VPS13B: variants seen among roughly 807,000 people sequenced by gnomAD.
VPS13B encodes the protein vacuolar protein sorting 13 homolog B.
A neutral mutation model predicts 426.4 loss-of-function variants in VPS13B; 285 were observed. That is an observed-to-expected ratio of 0.67 (90% CI 0.61 to 0.74). VPS13B has a LOEUF of 0.74. VPS13B is among the 30% of genes least tolerant of loss of function. The pLI is 0.00. For missense variants in VPS13B, 4,537 were observed against 4,782.6 expected (o/e 0.95, Z 1.51); for synonymous variants, 1,676 against 1,676.4 (o/e 1.00, Z 0.01).
chr8:99,669,295 CAT>C (rs1248970502), intron 35 of VPS13B, among the ~76,000 whole-genome samples: 4 of 151,734 alleles, frequency 2.6e-5, no homozygotes, highest in African/African-American at 9.7e-5. Flanking sequence ...AGAGCTGACA[CAT>C]GAGAAGAAGA....
At chr8:99,315,917 T>C (rs946769792) in intron 19 of VPS13B, among the ~76,000 whole-genome samples, 14 of 152,266 alleles carry the variant, frequency 9.2e-5, no homozygotes, top group Non-Finnish European at 1.8e-4. Flanking sequence ...ATCTGCCCAT[T>C]GGTAGAACTT....
chr8:99,696,714 C>A, intron 35 of VPS13B: 1 of 900,768 alleles, frequency 1.1e-6, no homozygotes, highest in Non-Finnish European at 1.9e-6. Flanking sequence ...CACCAGACTT[C>A]TCCGTTTTCC....
intron 3 of VPS13B, among the ~76,000 whole-genome samples, chr8:99,089,935 A>G (rs1204372083): frequency 1.3e-5 from 2 of 152,128 alleles, no homozygotes; most frequent in African/African-American, 4.8e-5. Flanking sequence ...GAGTCAGGGT[A>G]GAATTTGGTG....
In VPS13B at chr8:99,033,888, T is replaced by TC. The variant is rs566172556; in HGVS notation, c.148-4533dup. ...TCCAGCCTGGGTGACAGGGTGAGAC[T>TC]CCATCTCAAAAAAAAAAATTATTTG... On this transcript the variant is annotated intron_variant, in intron 2 of 61. Transcript: ENST00000357162. Among the ~76,000 whole-genome samples, 4 of 152,140 alleles carry TC rather than the reference T, an allele frequency of 2.6e-5. No homozygotes were observed. The South Asian group carries it at 8.3e-4, about 32-fold the overall frequency.
intron 37 of VPS13B, among the ~76,000 whole-genome samples, chr8:99,720,120 G>C (rs776157867): frequency 2.6e-5 from 4 of 151,666 alleles, no homozygotes; most frequent in Non-Finnish European, 5.9e-5. Flanking sequence ...AAAATTTATT[G>C]TTATTCACAC....
In VPS13B at chr8:99,617,388, G is replaced by T. The variant is rs1013919240; in HGVS notation, c.5221-24423G>T. 2.0e-5 allele frequency among the ~76,000 whole-genome samples: 3 copies of T among 152,254 alleles called. No individual in the cohort carries two copies. In the South Asian group the frequency reaches 6.2e-4, roughly 32 times the overall value. On this transcript the variant is annotated intron_variant, in intron 33 of 61. Coordinates refer to ENST00000357162, the MANE Select transcript of VPS13B (RefSeq NM_152564.5). ...CTGTCGCCCAGGCTACAGTGCAGTGGTTCCATCTTGGCTCACTGCAACCTC... is the reference window on the plus strand; with the variant it reads ...CTGTCGCCCAGGCTACAGTGCAGTGTTTCCATCTTGGCTCACTGCAACCTC...
chr8:99,442,290 A>G (rs1344820807), intron 22 of VPS13B, 111 bp from the exon 23 acceptor site: 4 of 886,030 alleles, frequency 4.5e-6, no homozygotes, highest in Non-Finnish European at 7.3e-6. Context: ...TCATAAAGAC[A>G]TAAATATGGA....
intron 3 of VPS13B, among the ~76,000 whole-genome samples, chr8:99,069,271 A>G (rs1844724429): frequency 6.6e-6 from 1 of 152,092 alleles, no homozygotes; most frequent in Non-Finnish European, 1.5e-5. Context: ...CATCTCTACA[A>G]AACAGTACAA....
At chr8:99,089,161 C>T (rs1009267030) in intron 3 of VPS13B, among the ~76,000 whole-genome samples, 9 of 152,092 alleles carry the variant, frequency 5.9e-5, no homozygotes, top group Non-Finnish European at 1.2e-4. Context: ...TTTATGCCTT[C>T]GTTTCTTCAT....
At chr8:99,586,272 T>A (rs533825974) in intron 33 of VPS13B, among the ~76,000 whole-genome samples, 1 of 152,304 alleles carries the variant, frequency 6.6e-6, no homozygotes, top group East Asian at 1.9e-4. Context: ...TAAATCCACA[T>A]GATTTTTCTG....
intron 39 of VPS13B, among the ~76,000 whole-genome samples, chr8:99,731,497 A>T (rs1419447384): frequency 1.3e-5 from 2 of 152,122 alleles, no homozygotes; most frequent in Non-Finnish European, 2.9e-5. Flanking sequence ...CTACATTTAG[A>T]GTGTGGGGTT....
chr8:99,435,435 A>G (rs541648251), intron 22 of VPS13B, among the ~76,000 whole-genome samples: 3 of 152,082 alleles, frequency 2.0e-5, no homozygotes, highest in Non-Finnish European at 2.9e-5. Flanking sequence ...TTATTTGACA[A>G]CTCTGGGAAA....
At chr8:99,185,169 A>G (rs1269043763) in intron 16 of VPS13B, among the ~76,000 whole-genome samples, 1 of 152,230 alleles carries the variant, frequency 6.6e-6, no homozygotes, top group African/African-American at 2.4e-5. Context: ...ACTCATATCA[A>G]GTAGGCTGTA....
chr8:99,458,263 C>T (rs1414608954), intron 23 of VPS13B, among the ~76,000 whole-genome samples: 1 of 152,064 alleles, frequency 6.6e-6, no homozygotes, highest in East Asian at 1.9e-4. Flanking sequence ...TTTTTTATGG[C>T]TGCATAGTAT....
At chr8:99,757,796 G>T (rs1810714988) in intron 39 of VPS13B, among the ~76,000 whole-genome samples, 1 of 152,178 alleles carries the variant, frequency 6.6e-6, no homozygotes, top group Non-Finnish European at 1.5e-5. Context: ...GACTACATAT[G>T]CTTAGAGTAC....
intron 3 of VPS13B, chr8:99,094,039 ATGTT>A (rs1330292977): frequency 6.6e-6 from 1 of 152,214 alleles, no homozygotes; most frequent in Non-Finnish European, 1.5e-5. Context: ...TTGCTTTAAA[ATGTT>A]TGTCATCTCA....
At chr8:99,631,247 G>T (rs962437026) in intron 33 of VPS13B, among the ~76,000 whole-genome samples, 1 of 151,962 alleles carries the variant, frequency 6.6e-6, no homozygotes, top group Non-Finnish European at 1.5e-5. Context: ...TGGTTTTTCT[G>T]GGAATCATGG....
At position 99,820,142 on chromosome 8, in the gene VPS13B, T is replaced by TA; in HGVS notation, c.8994+22dup. On this transcript the variant is annotated intron_variant, in intron 49 of 61. Transcript: ENST00000357162. Reference sequence around the variant, plus strand: ...TTTCAGGTACTATAACTTTTTTAACTAATACGAATTCTTATCTCTCAACAA... The same window carrying TA: ...TTTCAGGTACTATAACTTTTTTAACTAAATACGAATTCTTATCTCTCAACAA... 1.2e-6 allele frequency: 2 copies of TA among 1,602,494 alleles called. No homozygotes were observed. The highest frequency in any genetic ancestry group is 1.7e-6 in the Non-Finnish European group (2 of 1,170,198).
At chr8:99,522,552 T>A (rs1029858613) in intron 30 of VPS13B, among the ~76,000 whole-genome samples, 8 of 152,198 alleles carry the variant, frequency 5.3e-5, no homozygotes, top group African/African-American at 1.9e-4. Flanking sequence ...GCTATTAGTA[T>A]TTCTTAGGGT....
Sources: gnomAD v4.1 joint callset for allele counts (sites outside exome capture counted in the v4.1 genomes callset) on GRCh38, gnomAD v4.1.1 for gene constraint, MANE v1.5 for transcripts, NCBI Gene and HGNC (gene_info 2026-07-23, HGNC 2026-07-21) for gene names.